ATXN1: variants seen among roughly 807,000 people sequenced by gnomAD.
ATXN1 encodes the protein ataxin-1.
A neutral mutation model predicts 56.4 loss-of-function variants in ATXN1; 8 were observed. The observed-to-expected ratio is 0.14, with a 90% CI of 0.08 to 0.26. The LOEUF is 0.26. Ranked by LOEUF, ATXN1 falls within the 10% of genes least tolerant of loss-of-function variation. ATXN1 has a pLI of 1.00. For missense variants in ATXN1, 987 were observed against 1,106.5 expected (o/e 0.89, Z 1.53); for synonymous variants, 514 against 494.6 (o/e 1.04, Z -0.52).
chr6:16,714,216 CA>C (rs1466053294), intron 2 of ATXN1, among the ~76,000 whole-genome samples: 5 of 126,172 alleles, frequency 4.0e-5, no homozygotes, highest in Admixed American at 7.8e-5. Flanking sequence ...CACACACACA[CA>C]CACACACACC....
At chr6:16,479,565 T>C (rs111814287) in intron 6 of ATXN1, among the ~76,000 whole-genome samples, 2,445 of 152,314 alleles carry the variant, frequency 0.016, 21 homozygotes, top group South Asian at 0.058. Flanking sequence ...TATTTGTCTG[T>C]TTACATTAGT....
intron 5 of ATXN1, among the ~76,000 whole-genome samples, chr6:16,501,255 A>ATTCTGT (rs1272991841): frequency 2.0e-5 from 3 of 152,328 alleles, no homozygotes; most frequent in African/African-American, 7.2e-5. Flanking sequence ...TCATGTTATT[A>ATTCTGT]TTCTGTTTCC....
At chr6:16,573,898 C>T (rs957489821) in intron 4 of ATXN1, among the ~76,000 whole-genome samples, 3 of 152,224 alleles carry the variant, frequency 2.0e-5, no homozygotes, top group Non-Finnish European at 4.4e-5. Context: ...AGACTCCAAT[C>T]CCCAGCCATT....
chr6:16,742,709 T>C (rs1363533520), intron 2 of ATXN1, among the ~76,000 whole-genome samples: 1 of 152,130 alleles, frequency 6.6e-6, no homozygotes. Flanking sequence ...CCAGAGGAGA[T>C]GGATGGTCAC....
intron 4 of ATXN1, among the ~76,000 whole-genome samples, chr6:16,565,169 G>A (rs974705714): frequency 2.0e-5 from 3 of 152,184 alleles, no homozygotes; most frequent in Admixed American, 6.6e-5. Flanking sequence ...AAGCTTTAAA[G>A]TGGACAGGTC....
At chr6:16,435,810 G>T (rs532083238) in intron 6 of ATXN1, among the ~76,000 whole-genome samples, 1 of 152,110 alleles carries the variant, frequency 6.6e-6, no homozygotes, top group South Asian at 2.1e-4. Context: ...CCTGAAGCAA[G>T]TTACTTTATT....
At chr6:16,645,197 G>A (rs1473431925) in intron 3 of ATXN1, among the ~76,000 whole-genome samples, 2 of 152,130 alleles carry the variant, frequency 1.3e-5, no homozygotes, top group Admixed American at 1.3e-4. Flanking sequence ...AATATCTAGG[G>A]TTCCTGCTAG....
chr6:16,315,200 G>C (rs761758236), intron 7 of ATXN1, among the ~76,000 whole-genome samples: 1 of 152,012 alleles, frequency 6.6e-6, no homozygotes, highest in Admixed American at 6.6e-5. Flanking sequence ...GCCCCTGCCC[G>C]GTGGCCATCC....
chr6:16,380,133 T>C (rs1049210498), intron 6 of ATXN1, among the ~76,000 whole-genome samples: 2 of 152,316 alleles, frequency 1.3e-5, no homozygotes, highest in South Asian at 2.1e-4. Flanking sequence ...GTGACATCTG[T>C]AATCTGCCCA....
intron 7 of ATXN1, among the ~76,000 whole-genome samples, chr6:16,310,998 A>G (rs1044281219): frequency 2.0e-5 from 3 of 152,186 alleles, no homozygotes; most frequent in African/African-American, 7.2e-5. Context: ...TTTAGAAGAG[A>G]CAACTTGAGT....
intron 3 of ATXN1, among the ~76,000 whole-genome samples, chr6:16,594,263 A>T (rs1028262494): frequency 3.3e-5 from 5 of 151,338 alleles, no homozygotes; most frequent in African/African-American, 1.2e-4. Context: ...CCATCAGCAT[A>T]AGTTTCCCTG....
intron 6 of ATXN1, among the ~76,000 whole-genome samples, chr6:16,409,190 C>CT (rs1264799806): frequency 2.6e-5 from 4 of 151,960 alleles, no homozygotes; most frequent in Admixed American, 6.6e-5. Flanking sequence ...TTTTCTAAAA[C>CT]TTACTCAGTT....
At chr6:16,588,362 C>T (rs1212952935) in intron 3 of ATXN1, among the ~76,000 whole-genome samples, 1 of 152,258 alleles carries the variant, frequency 6.6e-6, no homozygotes, top group African/African-American at 2.4e-5. Flanking sequence ...GCATGGCTGG[C>T]TTACTTTCAA....
At chr6:16,320,541 G>A (rs936103328) in intron 7 of ATXN1, among the ~76,000 whole-genome samples, 1 of 152,380 alleles carries the variant, frequency 6.6e-6, no homozygotes, top group South Asian at 2.1e-4. Context: ...ACTCTTCAGA[G>A]AAGCTGAACC....
chr6:16,380,801 C>T (rs1027024647), intron 6 of ATXN1, among the ~76,000 whole-genome samples: 1 of 152,154 alleles, frequency 6.6e-6, no homozygotes, highest in Non-Finnish European at 1.5e-5. Flanking sequence ...ACCCTGACCC[C>T]CAAAAAACTA....
At chr6:16,593,020 A>AT (rs1762751331) in intron 3 of ATXN1, among the ~76,000 whole-genome samples, 1 of 152,104 alleles carries the variant, frequency 6.6e-6, no homozygotes, top group Non-Finnish European at 1.5e-5. Context: ...CAAAGTACTG[A>AT]TTGGTGCATT....
intron 1 of ATXN1, among the ~76,000 whole-genome samples, chr6:16,757,221 A>C (rs1446670557): frequency 6.6e-6 from 1 of 152,234 alleles, no homozygotes; most frequent in African/African-American, 2.4e-5. Context: ...TTTTTGACAA[A>C]GTGTCACTTC....
chr6:16,701,318 T>C (rs1759278731), intron 2 of ATXN1, among the ~76,000 whole-genome samples: 1 of 152,232 alleles, frequency 6.6e-6, no homozygotes, highest in Admixed American at 6.5e-5. Flanking sequence ...GCATGGCCAC[T>C]GTCCAGCTAA....
At chr6:16,684,095 C>T (rs1758868918) in intron 2 of ATXN1, among the ~76,000 whole-genome samples, 1 of 152,214 alleles carries the variant, frequency 6.6e-6, no homozygotes, top group Admixed American at 6.5e-5. Context: ...ATCTAGAAGT[C>T]ATCCCCCAAA....
Sources: gnomAD v4.1 joint callset for allele counts (sites outside exome capture counted in the v4.1 genomes callset) on GRCh38, gnomAD v4.1.1 for gene constraint, MANE v1.5 for transcripts, NCBI Gene and HGNC (gene_info 2026-07-23, HGNC 2026-07-21) for gene names.